CTSC: variants seen among roughly 807,000 people sequenced by gnomAD.
CTSC encodes the protein cathepsin C.
In CTSC, 37 loss-of-function variants were observed where a neutral mutation model predicts 40.9. The ratio of observed to expected loss-of-function variants is 0.91; its 90% CI spans 0.70 to 1.19. The LOEUF (loss-of-function observed/expected upper bound fraction) is 1.19. Ranked by LOEUF, CTSC falls within the 50% of genes most tolerant of loss-of-function variation. CTSC has a pLI of 0.00. For missense variants in CTSC, 594 were observed against 567.3 expected (o/e 1.05, Z -0.48); for synonymous variants, 232 against 207.4 (o/e 1.12, Z -1.02).
At chr11:88,302,557 T>C (rs1239057671) in intron 4 of CTSC, among the ~76,000 whole-genome samples, 6 of 127,034 alleles carry the variant, frequency 4.7e-5, no homozygotes, top group African/African-American at 1.5e-4. Context: ...ACCCAGGAGG[T>C]GGAGCTTGCA....
chr11:88,331,638 T>C (rs2134821766), intron 2 of CTSC, among the ~76,000 whole-genome samples: 1 of 152,254 alleles, frequency 6.6e-6, no homozygotes, highest in East Asian at 1.9e-4. Flanking sequence ...TTATGGAGCG[T>C]TCATTGAATA....
Position 88,335,003 on chromosome 11 carries a change from G to C in CTSC, c.252C>G (p.Phe84Leu), listed in dbSNP as rs750804719. Reference sequence around the variant, plus strand: ...CAAAGCCTTGGTTGTAAATGATGGTGAAATGGCCAGAATTGCCAAGGTCAT... The same window carrying C: ...CAAAGCCTTGGTTGTAAATGATGGTCAAATGGCCAGAATTGCCAAGGTCAT... ...AYDDLGNSGH[F>L]TIIYNQGFEI... Residue 84 changes from phenylalanine (F) to leucine (L), a missense_variant, in exon 2 of 7, where the codon TTC becomes TTG. By Grantham distance (22) the Phe-to-Leu change is conservative (BLOSUM62 0). Transcript: ENST00000227266. 1 of 1,607,772 alleles carries C rather than the reference G, an allele frequency of 6.2e-7. No homozygotes were observed. The highest frequency in any genetic ancestry group is 2.2e-5 in the East Asian group (1 of 44,776).
At position 88,296,256 on chromosome 11, in the gene CTSC, CACA is replaced by C. The variant is rs761817350; in HGVS notation, c.763_765del (p.Cys255del). Reference sequence around the variant, plus strand: ...ATAGAAGCAAATGAGTAGCAGCTGCCACAGGATGCTGGCGATGAAAAAAAGACA... The same window carrying C: ...ATAGAAGCAAATGAGTAGCAGCTGCCGGATGCTGGCGATGAAAAAAAGACA... On this transcript the variant is annotated inframe_deletion, in exon 6 of 7. Coordinates refer to ENST00000227266, the MANE Select transcript of CTSC (RefSeq NM_001814.6). 5 of 1,613,752 alleles carry C rather than the reference CACA, an allele frequency of 3.1e-6. No homozygotes were observed. Among genetic ancestry groups the C allele is most frequent in the Non-Finnish European group, 4.2e-6 (5 of 1,179,840 alleles).
intron 2 of CTSC, among the ~76,000 whole-genome samples, chr11:88,334,409 C>T (rs146569847): frequency 4.3e-4 from 65 of 152,274 alleles, no homozygotes; most frequent in Non-Finnish European, 7.9e-4. Flanking sequence ...TCACTTTAAC[C>T]AGCCTAAGGG....
At chr11:88,302,041 A>C (rs1000552478) in intron 4 of CTSC, among the ~76,000 whole-genome samples, 1 of 152,134 alleles carries the variant, frequency 6.6e-6, no homozygotes, top group African/African-American at 2.4e-5. Flanking sequence ...ACCAGCCCCC[A>C]GCGAAAACTC....
chr11:88,314,347 A>G (rs564942819), intron 2 of CTSC, among the ~76,000 whole-genome samples: 1 of 152,208 alleles, frequency 6.6e-6, no homozygotes, highest in Non-Finnish European at 1.5e-5. Context: ...AAATTACCTT[A>G]TTGCATCTGA....
intron 2 of CTSC, among the ~76,000 whole-genome samples, chr11:88,334,566 A>T (rs1938440936): frequency 6.6e-6 from 1 of 152,234 alleles, no homozygotes; most frequent in Non-Finnish European, 1.5e-5. Flanking sequence ...AACTGCAAGA[A>T]AACAAAATGT....
chr11:88,295,192 T>C, intron 6 of CTSC, among the ~76,000 whole-genome samples: 1 of 152,168 alleles, frequency 6.6e-6, no homozygotes, highest in East Asian at 1.9e-4. Context: ...GTACATATTT[T>C]AGAAAGAATG....
intron 2 of CTSC, chr11:88,323,654 T>C (rs1398526705): frequency 6.6e-6 from 1 of 152,076 alleles, no homozygotes; most frequent in Non-Finnish European, 1.5e-5. Flanking sequence ...AAATCATGAA[T>C]GAACTCCCAT....
At chr11:88,295,984 T>C in intron 6 of CTSC, 149 bp downstream of exon 6, 1 of 819,334 alleles carries the variant, frequency 1.2e-6, no homozygotes, top group South Asian at 1.3e-5. Flanking sequence ...AATCATCCAT[T>C]AATAAGTGAT....
At chr11:88,305,060 C>T (rs1023480823) in intron 4 of CTSC, among the ~76,000 whole-genome samples, 13 of 150,616 alleles carry the variant, frequency 8.6e-5, no homozygotes, top group East Asian at 2.0e-4. Context: ...ATTGCTTTAC[C>T]GCACTCCAGC....
intron 2 of CTSC, among the ~76,000 whole-genome samples, chr11:88,333,325 A>C (rs375283768): frequency 6.6e-6 from 1 of 152,252 alleles, no homozygotes; most frequent in African/African-American, 2.4e-5. Flanking sequence ...TAATTTATTT[A>C]ACCTATTTCC....
chr11:88,304,953 C>A (rs1937618085), intron 4 of CTSC, among the ~76,000 whole-genome samples: 1 of 152,188 alleles, frequency 6.6e-6, no homozygotes, highest in South Asian at 2.1e-4. Context: ...CAAAAATTGG[C>A]TGGGCATGGT....
chr11:88,329,652 C>A (rs955998157), intron 2 of CTSC, among the ~76,000 whole-genome samples: 5 of 152,012 alleles, frequency 3.3e-5, no homozygotes, highest in African/African-American at 1.2e-4. Flanking sequence ...ATCACATATC[C>A]AGCCATCATG....
At chr11:88,325,434 G>A (rs574382190) in intron 2 of CTSC, 1 of 985,284 alleles carries the variant, frequency 1.0e-6, no homozygotes, top group African/African-American at 1.7e-5. Context: ...CTCACAGACT[G>A]GAATTTACCA....
In CTSC at chr11:88,315,117, T is replaced by C. The variant is rs77750644; in HGVS notation, c.319-2563A>G. 4.3e-3 allele frequency among the ~76,000 whole-genome samples: 651 copies of C among 152,310 alleles called. 5 individuals carry two copies. Among genetic ancestry groups the C allele is most frequent in the African/African-American group, 0.015 (612 of 41,564 alleles). On this transcript the variant is annotated intron_variant, in intron 2 of 6. Coordinates refer to ENST00000227266, the MANE Select transcript of CTSC (RefSeq NM_001814.6). ...ATGCAACCTAAACTCCATAAAGTTG[T>C]ATTATGTACTTCTCTCTGGCACTGG...
rs1938248731 is a variant in CTSC, at chr11:88,328,308, T to C, written c.318+6629A>G. On this transcript the variant is annotated intron_variant, in intron 2 of 6. Transcript: ENST00000227266. ...ACTCAGTGCTAAACTTCTGATACTT[T>C]TCCTCCACTGAAATACTCTTACAAG... 1.4e-5 allele frequency: 11 copies of C among 769,412 alleles called. No individual in the cohort carries two copies. In the South Asian group the frequency reaches 1.6e-4, roughly 11 times the overall value. 47.7% of individuals were successfully genotyped at this position (769,412 alleles called of 1,614,324 possible).
chr11:88,337,688 G>T lies in CTSC; in HGVS notation c.-16C>A. ...CAGCACCCATGCTGCAGGGAGCTGA[G>T]AAAAGAGGTGAAGAATTACCAGGAA... On this transcript the variant is annotated 5_prime_UTR_variant, in exon 1 of 7. Transcript: ENST00000227266. 6.4e-7 allele frequency: 1 copy of T among 1,561,574 alleles called. No individual in the cohort carries two copies. Among genetic ancestry groups the T allele is most frequent in the Non-Finnish European group, 8.7e-7 (1 of 1,152,750 alleles).
intron 2 of CTSC, among the ~76,000 whole-genome samples, chr11:88,330,615 TGGGA>T (rs1938325072): frequency 1.3e-5 from 2 of 152,108 alleles, no homozygotes; most frequent in African/African-American, 4.8e-5. Context: ...CCCAAAGTGC[TGGGA>T]TTACAGGTAT....
Sources: gnomAD v4.1 joint callset for allele counts (sites outside exome capture counted in the v4.1 genomes callset) on GRCh38, gnomAD v4.1.1 for gene constraint, MANE v1.5 for transcripts, NCBI Gene and HGNC (gene_info 2026-07-23, HGNC 2026-07-21) for gene names.